GPR137C: variants seen among roughly 807,000 people sequenced by gnomAD.
GPR137C encodes G protein-coupled receptor 137C, also known as integral membrane protein GPR137C.
GPR137C carries 27 observed loss-of-function variants against 43.4 expected under a neutral mutation model. The ratio of observed to expected loss-of-function variants is 0.62; its 90% CI spans 0.46 to 0.86. The LOEUF is 0.86. Ranked by LOEUF, GPR137C falls within the 40% of genes least tolerant of loss-of-function variation. The probability of loss-of-function intolerance (pLI) is 0.00; values close to 1 mark genes in which losing one functional copy is unlikely to be tolerated. For synonymous variants in GPR137C, 285 were observed against 226.9 expected (o/e 1.26, Z -2.30); for missense variants, 522 against 534.6 (o/e 0.98, Z 0.23).
intron 3 of GPR137C, among the ~76,000 whole-genome samples, chr14:52,610,161 G>C (rs2039023506): frequency 6.6e-6 from 1 of 152,074 alleles, no homozygotes; most frequent in South Asian, 2.1e-4. Context: ...TACTACATCT[G>C]TCACCCTCTT....
chr14:52,629,702 G>A (rs753122506), intron 3 of GPR137C, among the ~76,000 whole-genome samples: 2 of 152,200 alleles, frequency 1.3e-5, no homozygotes, highest in African/African-American at 2.4e-5. Context: ...TGGAAGGGGT[G>A]TGAGGGAACT....
In GPR137C at chr14:52,636,262, T is replaced by G. The variant is rs1349207494; in HGVS notation, c.*1147T>G. ...ACTAGGTAAGTATAAAACCACAGGT[T>G]AACAATATTGGAGTACTTTTAGAAT... On this transcript the variant is annotated 3_prime_UTR_variant, in exon 7 of 7. Transcript: ENST00000321662. 1 of 152,050 alleles carries G rather than the reference T, an allele frequency of 6.6e-6. No homozygotes were observed. The highest frequency in any genetic ancestry group is 1.5e-5 in the Non-Finnish European group (1 of 67,972). 9.4% of individuals were successfully genotyped at this position (152,050 alleles called of 1,614,324 possible). A position where few individuals can be genotyped will look rare whatever the true frequency, so the allele number is the denominator to read the frequency against.
chr14:52,556,366 TAAG>T (rs768168880), intron 1 of GPR137C, among the ~76,000 whole-genome samples: 1 of 149,708 alleles, frequency 6.7e-6, no homozygotes, highest in Non-Finnish European at 1.5e-5. Context: ...TTTGAAAAGT[TAAG>T]AAATGCCTCA....
intron 1 of GPR137C, among the ~76,000 whole-genome samples, chr14:52,589,432 G>A (rs916503974): frequency 1.3e-5 from 2 of 152,236 alleles, no homozygotes; most frequent in Admixed American, 6.5e-5. Flanking sequence ...TCATGTATGG[G>A]GGGAATTTTA....
intron 3 of GPR137C, among the ~76,000 whole-genome samples, chr14:52,608,780 C>CTGA (rs2039008995): frequency 6.6e-6 from 1 of 152,014 alleles, no homozygotes; most frequent in African/African-American, 2.4e-5. Flanking sequence ...AATGTTTCTG[C>CTGA]TGAGAAGTCT....
intron 1 of GPR137C, among the ~76,000 whole-genome samples, chr14:52,596,484 C>T (rs879385912): frequency 1.3e-5 from 2 of 152,216 alleles, no homozygotes; most frequent in African/African-American, 2.4e-5. Flanking sequence ...CTGCCCAGTT[C>T]GAGCTTCCTG....
intron 1 of GPR137C, among the ~76,000 whole-genome samples, chr14:52,572,294 A>G (rs1432887400): frequency 1.3e-5 from 2 of 152,214 alleles, no homozygotes; most frequent in Non-Finnish European, 2.9e-5. Flanking sequence ...GACACAACAA[A>G]AAAGGAAAAT....
At chr14:52,616,883 C>T (rs2039105893) in intron 3 of GPR137C, among the ~76,000 whole-genome samples, 1 of 152,100 alleles carries the variant, frequency 6.6e-6, no homozygotes, top group Non-Finnish European at 1.5e-5. Flanking sequence ...CTTTTCTGAC[C>T]TCCACTTTGA....
chr14:52,633,806 C>A (rs562326003), intron 5 of GPR137C, 22 bp from the exon 6 acceptor site: 2 of 1,544,568 alleles, frequency 1.3e-6, no homozygotes, highest in South Asian at 2.3e-5. Context: ...CCTTCATATG[C>A]TATCTAATAC....
At chr14:52,613,476 A>T (rs1214045527) in intron 3 of GPR137C, 1 of 153,588 alleles carries the variant, frequency 6.5e-6, no homozygotes. Flanking sequence ...TGTACCCATT[A>T]ACCATCCCCA....
Position 52,552,956 on chromosome 14 carries a change from G to A in GPR137C, c.-192G>A, listed in dbSNP as rs1164502920. Among the ~76,000 whole-genome samples the A allele has an allele frequency of 6.6e-6, 1 of 151,690 alleles. No individual in the cohort carries two copies. The highest frequency in any genetic ancestry group is 1.5e-5 in the Non-Finnish European group (1 of 67,838). The stretch of plus-strand genomic sequence containing the variant: ...AGGAGCCGAGACCCCCGGGGGGTGG[G>A]GGGAAAGAGGAGGCGGGGTCCGGGG... On this transcript the variant is annotated 5_prime_UTR_variant, in exon 1 of 7. Transcript: ENST00000321662.
At chr14:52,578,960 G>A (rs959950734) in intron 1 of GPR137C, among the ~76,000 whole-genome samples, 60 of 150,834 alleles carry the variant, frequency 4.0e-4, no homozygotes, top group African/African-American at 1.4e-3. Context: ...AAAAAAAAAA[G>A]AATGGAAACT....
chr14:52,558,093 C>T (rs368216835), intron 1 of GPR137C, among the ~76,000 whole-genome samples: 6 of 133,170 alleles, frequency 4.5e-5, no homozygotes, highest in African/African-American at 1.5e-4. Flanking sequence ...AAGAAAAGGC[C>T]AGAAACTACC....
intron 1 of GPR137C, among the ~76,000 whole-genome samples, chr14:52,571,671 AAATATT>A (rs2038471421): frequency 1.3e-5 from 2 of 152,196 alleles, no homozygotes; most frequent in South Asian, 4.1e-4. Flanking sequence ...TCCATCTCAA[AAATATT>A]AATAACAAAA....
chr14:52,563,469 C>T (rs567783127), intron 1 of GPR137C, among the ~76,000 whole-genome samples: 28 of 152,232 alleles, frequency 1.8e-4, no homozygotes, highest in Admixed American at 1.5e-3. Context: ...CTCTCCCACC[C>T]TACACCTATA....
intron 3 of GPR137C, among the ~76,000 whole-genome samples, chr14:52,615,052 A>G (rs1413293585): frequency 5.9e-5 from 9 of 152,144 alleles, no homozygotes; most frequent in Non-Finnish European, 1.2e-4. Flanking sequence ...TGTCTTGGAG[A>G]GTTTCCCCAA....
chr14:52,633,954 T>C lies in GPR137C; in HGVS notation c.1112+8T>C, dbSNP rs1158305045. 6.8e-7 allele frequency: 1 copy of C among 1,468,338 alleles called. No homozygotes were observed. Among genetic ancestry groups the C allele is most frequent in the Non-Finnish European group, 9.5e-7 (1 of 1,048,492 alleles). 91.0% of individuals were successfully genotyped at this position (1,468,338 alleles called of 1,614,324 possible). ...AAGTTCAAGAGAAGGAAGGTAGATGTAACAAAGCCACTTAGCCTGAATTAC... is the reference window on the plus strand; with the variant it reads ...AAGTTCAAGAGAAGGAAGGTAGATGCAACAAAGCCACTTAGCCTGAATTAC... On this transcript the variant is annotated splice_region_variant and intron_variant, in intron 6 of 6. Transcript: ENST00000321662.
chr14:52,561,156 T>G lies in GPR137C; in HGVS notation c.444+7565T>G, dbSNP rs893423995. 1.5e-4 allele frequency among the ~76,000 whole-genome samples: 23 copies of G among 152,330 alleles called. 1 individual carries two copies. The East Asian group carries it at 4.3e-3, about 28-fold the overall frequency. ...CTCACGTTGAACTACCACTAGACAT[T>G]GATTAGCAGGACTAAAATTTAAAAG... On this transcript the variant is annotated intron_variant, in intron 1 of 6. Transcript: ENST00000321662.
At chr14:52,619,955 C>T (rs1205785762) in intron 3 of GPR137C, among the ~76,000 whole-genome samples, 1 of 152,106 alleles carries the variant, frequency 6.6e-6, no homozygotes, top group Non-Finnish European at 1.5e-5. Flanking sequence ...ATGCACGATT[C>T]TATGTCTGGT....
Sources: gnomAD v4.1 joint callset for allele counts (sites outside exome capture counted in the v4.1 genomes callset) on GRCh38, gnomAD v4.1.1 for gene constraint, MANE v1.5 for transcripts, NCBI Gene and HGNC (gene_info 2026-07-23, HGNC 2026-07-21) for gene names.